Variants in SPMAP2 observed in about 807,000 individuals in gnomAD.
The protein encoded by SPMAP2 is sperm microtubule associated protein 2, also known as Theg homolog.
the SPMAP2 span, chr19:373,582 G>A: frequency 1.9e-6 from 3 of 1,579,724 alleles, no homozygotes; most frequent in Non-Finnish European, 2.6e-6. Context: ...CCCTGGCCCT[G>A]CCCGGAAACA....
the SPMAP2 span, chr19:374,321 T>C: frequency 6.2e-7 from 1 of 1,614,054 alleles, no homozygotes. Context: ...ACTTGCCAGT[T>C]TATCTTGGGC....
At chr19:366,566 C>G in the SPMAP2 span, among the ~76,000 whole-genome samples, 2,859 of 152,260 alleles carry the variant, frequency 0.019, 36 homozygotes, top group Middle Eastern at 0.031. Context: ...AAGACAGAGA[C>G]TTGGGAGAAG....
chr19:373,484 G>A, the SPMAP2 span: 2 of 1,613,298 alleles, frequency 1.2e-6, no homozygotes, highest in African/African-American at 2.7e-5. Flanking sequence ...CACTGTGATG[G>A]TGAGGGTGGT....
the SPMAP2 span, chr19:372,565 G>A: frequency 6.5e-7 from 1 of 1,527,534 alleles, no homozygotes; most frequent in South Asian, 1.1e-5. Flanking sequence ...CATCCTGTCA[G>A]GCGAGAATAA....
At chr19:375,703 C>T in the SPMAP2 span, 5 of 1,603,600 alleles carry the variant, frequency 3.1e-6, no homozygotes, top group African/African-American at 1.3e-5. Flanking sequence ...TTGTCCAGGA[C>T]TCTCTCCAAC....
chr19:363,003 C>T, the SPMAP2 span, among the ~76,000 whole-genome samples: 1 of 152,038 alleles, frequency 6.6e-6, no homozygotes, highest in Non-Finnish European at 1.5e-5. Context: ...ATGTCCAGGA[C>T]AGGCCAATCC....
the SPMAP2 span, among the ~76,000 whole-genome samples, chr19:369,260 A>T: frequency 1.0e-3 from 152 of 152,312 alleles, no homozygotes; most frequent in Middle Eastern, 3.4e-3. Flanking sequence ...GTTTAGGAAT[A>T]ATCAGGTGAA....
chr19:371,225 A>AT, the SPMAP2 span: 1 of 1,488,742 alleles, frequency 6.7e-7, no homozygotes, highest in Non-Finnish European at 9.0e-7. Flanking sequence ...GGCATGCTCC[A>AT]GAAGTTATCA....
chr19:364,622 AC>A, the SPMAP2 span, among the ~76,000 whole-genome samples: 1 of 151,530 alleles, frequency 6.6e-6, no homozygotes, highest in Non-Finnish European at 1.5e-5. Context: ...ACCCTGGTTC[AC>A]CCCCCTCTCC....
At chr19:376,000 T>C in the SPMAP2 span, 3 of 1,386,942 alleles carry the variant, frequency 2.2e-6, no homozygotes. Context: ...CCCCGCGGCC[T>C]CACTCTCCCG....
At chr19:372,998 G>A in the SPMAP2 span, among the ~76,000 whole-genome samples, 1 of 152,184 alleles carries the variant, frequency 6.6e-6, no homozygotes, top group African/African-American at 2.4e-5. Context: ...TACAGATCCA[G>A]GGACCCACAG....
At chr19:375,618 G>C in the SPMAP2 span, 28 of 1,508,266 alleles carry the variant, frequency 1.9e-5, no homozygotes, top group Admixed American at 5.8e-4. Context: ...CAGGGGCTGA[G>C]CCCTACCCCA....
chr19:367,279 G>A, the SPMAP2 span: 5 of 1,498,686 alleles, frequency 3.3e-6, no homozygotes, highest in Non-Finnish European at 8.9e-7. Flanking sequence ...ATGCCTCGTG[G>A]GCCCTGGAGC....
chr19:368,977 G>A, the SPMAP2 span, among the ~76,000 whole-genome samples: 4 of 152,184 alleles, frequency 2.6e-5, no homozygotes, highest in African/African-American at 2.4e-5. The surrounding 1 kb of genome is among the most constrained non-coding windows in gnomAD (Gnocchi z 4.1). Context: ...GCTCAGACAA[G>A]TGGGAAAGGG....
the SPMAP2 span, chr19:371,224 C>T: frequency 6.7e-7 from 1 of 1,487,500 alleles, no homozygotes. Flanking sequence ...GGGCATGCTC[C>T]AGAAGTTATC....
chr19:368,346 G>A, the SPMAP2 span, among the ~76,000 whole-genome samples: 1 of 152,110 alleles, frequency 6.6e-6, no homozygotes, highest in Non-Finnish European at 1.5e-5. The surrounding 1 kb of genome is among the most constrained non-coding windows in gnomAD (Gnocchi z 4.1). Flanking sequence ...CCCTTCACCA[G>A]GCTTGCTCCC....
At chr19:367,187 G>C in the SPMAP2 span, 1 of 1,607,522 alleles carries the variant, frequency 6.2e-7, no homozygotes. Flanking sequence ...CCGCGAGCTG[G>C]GGACTGCCAT....
the SPMAP2 span, chr19:372,662 T>A: frequency 6.2e-7 from 1 of 1,614,056 alleles, no homozygotes. Flanking sequence ...AGGTAGAATC[T>A]CTTGGGCCGA....
chr19:363,999 G>A, the SPMAP2 span, among the ~76,000 whole-genome samples: 693 of 152,122 alleles, frequency 4.6e-3, 8 homozygotes, highest in African/African-American at 0.016. Context: ...CTGCCACATC[G>A]AGCTACGAAA....
Sources: gnomAD v4.1 joint callset for allele counts (sites outside exome capture counted in the v4.1 genomes callset) on GRCh38, gnomAD v4.1.1 for gene constraint, Gnocchi (gnomAD v3.1) non-coding constraint, MANE v1.5 for transcripts, NCBI Gene and HGNC (gene_info 2026-07-23, HGNC 2026-07-21) for gene names.